The following FARS2 variants were observed in gnomAD, a reference collection of about 807,000 sequenced individuals.
FARS2 encodes phenylalanyl-tRNA synthetase 2, mitochondrial.
In FARS2, 40 loss-of-function variants were observed where a neutral mutation model predicts 46.4. The observed-to-expected ratio is 0.86, with a 90% CI of 0.67 to 1.12. The LOEUF (loss-of-function observed/expected upper bound fraction) is 1.12, where lower values mean the gene tolerates loss of function less well. Ranked by LOEUF, FARS2 falls within the 50% of genes most tolerant of loss-of-function variation. The pLI, the probability that FARS2 is intolerant of heterozygous loss-of-function variation, is 0.00. For missense variants in FARS2, 513 were observed against 567.9 expected, an observed-to-expected ratio of 0.90 and a Z score of 0.98; for synonymous variants, 234 against 214.9, an observed-to-expected ratio of 1.09 and a Z score of -0.78.
intron 3 of FARS2, among the ~76,000 whole-genome samples, chr6:5,413,889 G>C (rs2127736188): frequency 6.6e-6 from 1 of 152,170 alleles, no homozygotes; most frequent in Non-Finnish European, 1.5e-5. Flanking sequence ...CAGAGGATAA[G>C]CTGTATTTTA....
chr6:5,354,051 C>T (rs578007747), intron 1 of FARS2, among the ~76,000 whole-genome samples: 60 of 150,218 alleles, frequency 4.0e-4, no homozygotes, highest in African/African-American at 1.3e-3. Context: ...ATGTTAACAT[C>T]TCCATCTCAT....
intron 5 of FARS2, among the ~76,000 whole-genome samples, chr6:5,559,778 C>G (rs1271746349): frequency 6.6e-6 from 1 of 151,954 alleles, no homozygotes; most frequent in Non-Finnish European, 1.5e-5. Context: ...GAATGTGGAA[C>G]TGATGCAAGG....
chr6:5,663,614 G>T (rs566843143), intron 6 of FARS2, among the ~76,000 whole-genome samples: 1 of 152,316 alleles, frequency 6.6e-6, no homozygotes, highest in Admixed American at 6.5e-5. Flanking sequence ...GAGCGGAGAG[G>T]AGAGATGTGA....
chr6:5,260,954 G>A, upstream of FARS2: 1 of 1,314,702 alleles, frequency 7.6e-7, no homozygotes, highest in Non-Finnish European at 9.7e-7. Flanking sequence ...AGGGCTCGGG[G>A]CAGCTAAGGG....
At chr6:5,484,670 G>T (rs1003764485) in intron 4 of FARS2, among the ~76,000 whole-genome samples, 2 of 152,220 alleles carry the variant, frequency 1.3e-5, no homozygotes, top group Non-Finnish European at 2.9e-5. Context: ...GGGTGAAAAA[G>T]AAAAGGATAG....
intron 6 of FARS2, among the ~76,000 whole-genome samples, chr6:5,718,954 T>G (rs1157153012): frequency 6.6e-6 from 1 of 152,194 alleles, no homozygotes; most frequent in Admixed American, 6.5e-5. Flanking sequence ...ATGGCGGGAA[T>G]GTTTCTAATC....
chr6:5,328,342 G>A (rs1188849817), intron 1 of FARS2, among the ~76,000 whole-genome samples: 2 of 152,078 alleles, frequency 1.3e-5, no homozygotes, highest in African/African-American at 4.8e-5. Context: ...ATAATTTTAC[G>A]GTTATGCTCT....
chr6:5,734,001 A>G (rs6937985), intron 6 of FARS2, among the ~76,000 whole-genome samples: 4,140 of 152,328 alleles, frequency 0.027, 187 homozygotes, highest in African/African-American at 0.094. Context: ...CTGCTATTAT[A>G]ATCACCATTG....
intron 2 of FARS2, among the ~76,000 whole-genome samples, chr6:5,395,506 A>G (rs1760848732): frequency 6.6e-6 from 1 of 152,078 alleles, no homozygotes; most frequent in Admixed American, 6.5e-5. Flanking sequence ...ATTTTTGTTT[A>G]GTAGGGATGA....
chr6:5,335,606 G>C (rs1484982197), intron 1 of FARS2, among the ~76,000 whole-genome samples: 1 of 152,146 alleles, frequency 6.6e-6, no homozygotes, highest in East Asian at 1.9e-4. Flanking sequence ...TTAGCAATTA[G>C]TTGTAATGTA....
chr6:5,567,100 A>G (rs974695907), intron 5 of FARS2, among the ~76,000 whole-genome samples: 7 of 152,262 alleles, frequency 4.6e-5, no homozygotes, highest in East Asian at 1.9e-4. Context: ...TCTATACTCT[A>G]TAGTGGCTAC....
intron 2 of FARS2, among the ~76,000 whole-genome samples, chr6:5,394,763 CAG>C (rs770925211): frequency 4.0e-5 from 6 of 151,392 alleles, no homozygotes; most frequent in Non-Finnish European, 8.8e-5. Context: ...TAGTAAGGGA[CAG>C]TGTTTTTTTT....
intron 5 of FARS2, among the ~76,000 whole-genome samples, chr6:5,587,472 C>G (rs550223680): frequency 5.7e-4 from 86 of 152,146 alleles, no homozygotes; most frequent in African/African-American, 2.0e-3. Context: ...TTAGAAAATC[C>G]ACGTTGCTCA....
intron 6 of FARS2, among the ~76,000 whole-genome samples, chr6:5,720,486 C>A (rs910841684): frequency 7.2e-5 from 11 of 152,314 alleles, no homozygotes; most frequent in African/African-American, 2.4e-4. Flanking sequence ...AGAAGGCAGA[C>A]AAATACTAAA....
At chr6:5,285,965 G>A (rs1027222283) in intron 1 of FARS2, among the ~76,000 whole-genome samples, 3 of 152,156 alleles carry the variant, frequency 2.0e-5, no homozygotes, top group African/African-American at 7.2e-5. Context: ...CCCACCCACG[G>A]TCTCATACAC....
intron 4 of FARS2, among the ~76,000 whole-genome samples, chr6:5,513,818 A>C (rs1768605785): frequency 6.6e-6 from 1 of 152,180 alleles, no homozygotes; most frequent in Non-Finnish European, 1.5e-5. Context: ...CGTAGGCCCT[A>C]GTCAGGGCCC....
chr6:5,664,332 G>A (rs993772441), intron 6 of FARS2, among the ~76,000 whole-genome samples: 1 of 152,162 alleles, frequency 6.6e-6, no homozygotes, highest in Non-Finnish European at 1.5e-5. Flanking sequence ...CTTAGAAAAT[G>A]CTTTCAAGGC....
intron 4 of FARS2, among the ~76,000 whole-genome samples, chr6:5,522,163 C>A (rs529504995): frequency 2.8e-4 from 43 of 152,264 alleles, no homozygotes; most frequent in Admixed American, 1.9e-3. Context: ...GTGTGGAGTC[C>A]ACCATGCACA....
At chr6:5,479,657 T>C (rs1167823446) in intron 4 of FARS2, among the ~76,000 whole-genome samples, 1 of 152,224 alleles carries the variant, frequency 6.6e-6, no homozygotes, top group Admixed American at 6.5e-5. Context: ...CTCTGCATAA[T>C]AAAGCAATTG....
Sources: gnomAD v4.1 joint callset for allele counts (sites outside exome capture counted in the v4.1 genomes callset) on GRCh38, gnomAD v4.1.1 for gene constraint, MANE v1.5 for transcripts, NCBI Gene and HGNC (gene_info 2026-07-23, HGNC 2026-07-21) for gene names.